Variants in FGF18 observed in about 807,000 individuals in gnomAD.
FGF18 encodes fibroblast growth factor 18.
FGF18 carries 5 observed loss-of-function variants against 23.0 expected under a neutral mutation model. That is an observed-to-expected ratio of 0.22 (90% confidence interval 0.11 to 0.46). The LOEUF (loss-of-function observed/expected upper bound fraction) is 0.46, where lower values mean the gene tolerates loss of function less well. Among genes scored for constraint, FGF18 ranks in the 20% least tolerant of loss-of-function variants. FGF18 has a pLI of 0.99. For synonymous variants in FGF18, 117 were observed against 118.9 expected, an observed-to-expected ratio of 0.98 and a Z score of 0.10; for missense variants, 180 against 291.6, an observed-to-expected ratio of 0.62 and a Z score of 2.79.
intron 3 of FGF18, among the ~76,000 whole-genome samples, chr5:171,444,517 T>C (rs1443879072): frequency 2.7e-5 from 4 of 148,924 alleles, no homozygotes; most frequent in East Asian, 2.0e-4. Context: ...ATACTTTCCA[T>C]AGGGGCAGAA....
intron 4 of FGF18, among the ~76,000 whole-genome samples, chr5:171,450,039 T>G (rs972600034): frequency 6.6e-6 from 1 of 151,580 alleles, no homozygotes; most frequent in Non-Finnish European, 1.5e-5. Flanking sequence ...TCCCCTTCTC[T>G]CTGCAGGGAC....
Position 171,436,695 on chromosome 5 carries a change from C to T in FGF18, c.250+422C>T, listed in dbSNP as rs139688012. Among the ~76,000 whole-genome samples, 2 of 152,264 alleles carry T rather than the reference C, an allele frequency of 1.3e-5. No individual in the cohort carries two copies. The highest frequency in any genetic ancestry group is 6.5e-5 in the Admixed American group (1 of 15,290). ...ATCAGCCTAGTGTGTGTGTTATGTGCGCGTGTGCATATGGGTGCTTTGAGC... is the reference window on the plus strand; with the variant it reads ...ATCAGCCTAGTGTGTGTGTTATGTGTGCGTGTGCATATGGGTGCTTTGAGC... On this transcript the variant is annotated intron_variant, in intron 3 of 4. Transcript: ENST00000274625. The surrounding 1 kb of genome is among the most constrained non-coding windows in gnomAD (Gnocchi z 4.4).
At chr5:171,432,221 C>T (rs1276519252) in intron 2 of FGF18, among the ~76,000 whole-genome samples, 1 of 151,946 alleles carries the variant, frequency 6.6e-6, no homozygotes, top group Non-Finnish European at 1.5e-5. Context: ...AGTGACCTGC[C>T]ACGCAGCTAG....
At chr5:171,422,174 T>C (rs545202445) in intron 2 of FGF18, among the ~76,000 whole-genome samples, 1 of 152,216 alleles carries the variant, frequency 6.6e-6, no homozygotes, top group Non-Finnish European at 1.5e-5. Context: ...GTGGTCTTTG[T>C]GTTCTCCGTG....
In FGF18 at chr5:171,428,652, G is replaced by A. The variant is rs368946385; in HGVS notation, c.70-7441G>A. Among the ~76,000 whole-genome samples the A allele has an allele frequency of 2.0e-5, 3 of 152,316 alleles. 1 individual carries two copies. The highest frequency in any genetic ancestry group is 7.2e-5 in the African/African-American group (3 of 41,584). ...CTCCAAGCTGACTGGGGTGGCTGGCGCATCCATTCCCAGGAATGGGGATGA... is the reference window on the plus strand; with the variant it reads ...CTCCAAGCTGACTGGGGTGGCTGGCACATCCATTCCCAGGAATGGGGATGA... On this transcript the variant is annotated intron_variant, in intron 2 of 4. Coordinates refer to ENST00000274625, the MANE Select transcript of FGF18 (RefSeq NM_003862.3).
intron 2 of FGF18, among the ~76,000 whole-genome samples, chr5:171,423,634 C>G (rs1772052800): frequency 6.6e-6 from 1 of 152,144 alleles, no homozygotes; most frequent in South Asian, 2.1e-4. Flanking sequence ...CTTCCACGCC[C>G]CCTCTCGGCC....
intron 4 of FGF18, among the ~76,000 whole-genome samples, chr5:171,450,702 C>G (rs1772487709): frequency 6.6e-6 from 1 of 152,112 alleles, no homozygotes; most frequent in South Asian, 2.1e-4. Flanking sequence ...CGAGGCTGGC[C>G]GGCCGGCGAG....
intron 2 of FGF18, among the ~76,000 whole-genome samples, chr5:171,430,812 A>G (rs909967446): frequency 9.8e-5 from 10 of 102,272 alleles, no homozygotes; most frequent in East Asian, 6.9e-4. Flanking sequence ...AAAAAAAAAA[A>G]AAAAGAAAAA....
intron 3 of FGF18, among the ~76,000 whole-genome samples, chr5:171,442,874 C>T (rs752136696): frequency 6.6e-6 from 1 of 152,228 alleles, no homozygotes; most frequent in East Asian, 1.9e-4. Flanking sequence ...TGCCACTTCC[C>T]TTTTCTGTCA....
chr5:171,430,719 C>T (rs1000029617), intron 2 of FGF18, among the ~76,000 whole-genome samples: 1 of 133,416 alleles, frequency 7.5e-6, no homozygotes, highest in African/African-American at 3.2e-5. Context: ...ACCCGGGAAG[C>T]GGAGCTTGCA....
In FGF18 at chr5:171,440,250, C is replaced by T. The variant is rs1289507611; in HGVS notation, c.250+3977C>T. 6.6e-6 allele frequency among the ~76,000 whole-genome samples: 1 copy of T among 151,746 alleles called. No homozygotes were observed. Among genetic ancestry groups the T allele is most frequent in the Non-Finnish European group, 1.5e-5 (1 of 67,946 alleles). On this transcript the variant is annotated intron_variant, in intron 3 of 4. Transcript: ENST00000274625. This position sits in a 1 kb window ranked among gnomAD's most constrained non-coding sequence, Gnocchi z 4.0. ...TGGGGGGGGGTGGTGCCATCGCGGG[C>T]TCAGGTGAGGAACTGCCATCAGGTA...
chr5:171,443,106 G>A (rs1358396193), intron 3 of FGF18, among the ~76,000 whole-genome samples: 2 of 151,748 alleles, frequency 1.3e-5, no homozygotes, highest in Middle Eastern at 3.2e-3. Context: ...CTGTTGTGAT[G>A]GTCAAATGAG....
rs1402660331 is a variant in FGF18, at chr5:171,457,623, A to C, written c.*818A>C. 1 of 152,258 alleles carries C rather than the reference A, an allele frequency of 6.6e-6. No individual in the cohort carries two copies. The highest frequency in any genetic ancestry group is 1.5e-5 in the Non-Finnish European group (1 of 68,046). The allele number at this position is 152,258 out of a possible 1,614,324, so 9.4% of individuals were successfully genotyped here. ...AAACAACAGACAAATTATTTAAAAA[A>C]CCATGAGGCGAGTGGTGGCTGGTGG... On this transcript the variant is annotated 3_prime_UTR_variant, in exon 5 of 5. Transcript: ENST00000274625.
intron 2 of FGF18, among the ~76,000 whole-genome samples, chr5:171,432,384 A>G (rs895267644): frequency 1.3e-5 from 2 of 149,558 alleles, no homozygotes; most frequent in African/African-American, 4.9e-5. Context: ...CTTCTTTTTT[A>G]TAAAAATTAT....
At chr5:171,455,046 T>C (rs1211623009) in intron 4 of FGF18, among the ~76,000 whole-genome samples, 1 of 152,226 alleles carries the variant, frequency 6.6e-6, no homozygotes, top group Non-Finnish European at 1.5e-5. Flanking sequence ...ACTCCTACAG[T>C]GTCTCTATGA....
intron 2 of FGF18, among the ~76,000 whole-genome samples, chr5:171,427,259 A>C (rs940759702): frequency 6.6e-6 from 1 of 152,228 alleles, no homozygotes; most frequent in Non-Finnish European, 1.5e-5. Flanking sequence ...TGTGAGAACT[A>C]AGTGGGATAT....
chr5:171,420,869 A>T (rs1561882646), intron 2 of FGF18, among the ~76,000 whole-genome samples: 1 of 152,226 alleles, frequency 6.6e-6, no homozygotes, highest in African/African-American at 2.4e-5. Flanking sequence ...TCCAGGGAGA[A>T]AGCTTCAGTT....
At chr5:171,449,664 C>T (rs1297219707) in intron 4 of FGF18, among the ~76,000 whole-genome samples, 2 of 152,084 alleles carry the variant, frequency 1.3e-5, no homozygotes, top group Non-Finnish European at 2.9e-5. Context: ...GTGGCTGCAT[C>T]GATCGTTTTA....
intron 2 of FGF18, among the ~76,000 whole-genome samples, chr5:171,425,692 G>A (rs893734216): frequency 5.3e-5 from 8 of 151,936 alleles, no homozygotes; most frequent in East Asian, 1.9e-4. Flanking sequence ...CACCATGCCC[G>A]GCTAATTTTT....
Sources: gnomAD v4.1 joint callset for allele counts (sites outside exome capture counted in the v4.1 genomes callset) on GRCh38, gnomAD v4.1.1 for gene constraint, Gnocchi (gnomAD v3.1) non-coding constraint, MANE v1.5 for transcripts, NCBI Gene and HGNC (gene_info 2026-07-23, HGNC 2026-07-21) for gene names.